PPP1R7: variants seen among roughly 807,000 people sequenced by gnomAD.
PPP1R7 encodes the protein protein phosphatase 1 regulatory subunit 7.
Under a neutral mutation model 45.2 loss-of-function variants are expected in PPP1R7, and 18 were observed. That is an observed-to-expected ratio of 0.40 (90% CI 0.28 to 0.59). PPP1R7 has a LOEUF of 0.59. PPP1R7 is among the 20% of genes least tolerant of loss of function. PPP1R7 has a pLI of 0.46. For synonymous variants in PPP1R7, 181 were observed against 183.4 expected, an observed-to-expected ratio of 0.99 and a Z score of 0.11; for missense variants, 314 against 455.8, an observed-to-expected ratio of 0.69 and a Z score of 2.83.
intron 3 of PPP1R7, 123 bp downstream of exon 3, chr2:241,157,985 G>C (rs1323394472): frequency 6.6e-5 from 62 of 945,534 alleles, no homozygotes; most frequent in Non-Finnish European, 9.8e-6. Flanking sequence ...GGTTGAGTCA[G>C]AGTCCCGTGT....
chr2:241,163,430 T>A lies in PPP1R7; in HGVS notation c.714+29T>A, dbSNP rs944163217. 4.0e-6 allele frequency: 6 copies of A among 1,509,476 alleles called. No individual in the cohort carries two copies. In the African/African-American group the frequency reaches 5.5e-5, roughly 14 times the overall value. 93.5% of individuals were successfully genotyped at this position (1,509,476 alleles called of 1,614,324 possible). A position where few individuals can be genotyped will look rare whatever the true frequency, so the allele number is the denominator to read the frequency against. On this transcript the variant is annotated intron_variant, in intron 7 of 9. Coordinates refer to ENST00000234038, the MANE Select transcript of PPP1R7 (RefSeq NM_002712.3). ...CGGAGCTTCCTGAGCCGCCCTTCCC[T>A]GCGAGCCCTGGCAGGGCCAGCGCTG...
Position 241,182,905 on chromosome 2 carries a change from GGTC to G in PPP1R7, c.*86_*88del. Reference sequence around the variant, plus strand: ...TTTTTAACCCACCTGTTGCTCCTGAGGTCGTCACTATATCAACAGTCACAAACC... The same window carrying G: ...TTTTTAACCCACCTGTTGCTCCTGAGGTCACTATATCAACAGTCACAAACC... On this transcript the variant is annotated 3_prime_UTR_variant, in exon 10 of 10. Coordinates refer to ENST00000234038, the MANE Select transcript of PPP1R7 (RefSeq NM_002712.3). The G allele has an allele frequency of 6.8e-7, 1 of 1,481,118 alleles. No homozygotes were observed. The highest frequency in any genetic ancestry group is 9.1e-7 in the Non-Finnish European group (1 of 1,093,154). The allele number at this position is 1,481,118 out of a possible 1,614,324, so 91.7% of individuals were successfully genotyped here.
At chr2:241,181,705 C>T (rs1159743665) in intron 9 of PPP1R7, among the ~76,000 whole-genome samples, 3 of 152,148 alleles carry the variant, frequency 2.0e-5, no homozygotes, top group African/African-American at 7.2e-5. Flanking sequence ...AGTTCCCTTC[C>T]TAACTTCCCT....
intron 9 of PPP1R7, 167 bp downstream of exon 9, chr2:241,170,034 G>T (rs1187846303): frequency 3.4e-6 from 2 of 589,992 alleles, no homozygotes; most frequent in African/African-American, 1.9e-5. Flanking sequence ...ATTGGGTGTT[G>T]TCTGTGCTCC....
intron 8 of PPP1R7, among the ~76,000 whole-genome samples, chr2:241,167,592 A>G (rs1200711042): frequency 6.6e-6 from 1 of 152,214 alleles, no homozygotes; most frequent in African/African-American, 2.4e-5. Context: ...GTCACCACCA[A>G]GCATCCACCG....
Position 241,160,300 on chromosome 2 carries a change from T to C in PPP1R7, c.435-32T>C, listed in dbSNP as rs538798308. 3.2e-5 allele frequency: 50 copies of C among 1,543,456 alleles called. No individual in the cohort carries two copies. The African/African-American group carries it at 5.8e-4, about 18-fold the overall frequency. ...TTCTATGCAACCTATGCTCGTGAAA[T>C]TTTTTTAAAAAACTGTTTTGGTTGT... is the stretch of plus-strand genomic sequence containing the variant. On this transcript the variant is annotated intron_variant, in intron 5 of 9. Transcript: ENST00000234038.
At position 241,153,023 on chromosome 2, in the gene PPP1R7, C is replaced by T. The variant is rs372688652; in HGVS notation, c.53-453C>T. On this transcript the variant is annotated intron_variant, in intron 1 of 9. Transcript: ENST00000234038. ...GAGTTAGTCTTGATTTCTTTCAGAA[C>T]GTGGGCCTGTGAACTTGGCTGGTTT... Among the ~76,000 whole-genome samples the T allele has an allele frequency of 1.1e-4, 17 of 152,188 alleles. No individual in the cohort carries two copies. The South Asian group carries it at 1.9e-3, about 17-fold the overall frequency.
At chr2:241,151,894 A>C (rs1219272708) in intron 1 of PPP1R7, among the ~76,000 whole-genome samples, 1 of 152,098 alleles carries the variant, frequency 6.6e-6, no homozygotes, top group Non-Finnish European at 1.5e-5. Context: ...CCAGCCCATC[A>C]TCCCCAGTAC....
intron 1 of PPP1R7, among the ~76,000 whole-genome samples, 162 bp downstream of exon 1, chr2:241,150,709 C>A (rs1200161083): frequency 1.8e-4 from 28 of 152,096 alleles, no homozygotes; most frequent in Admixed American, 1.8e-3. Flanking sequence ...GGGGGAGGCG[C>A]TGGACCTCGG....
intron 2 of PPP1R7, among the ~76,000 whole-genome samples, chr2:241,154,413 C>T (rs904662484): frequency 3.3e-5 from 5 of 151,828 alleles, no homozygotes; most frequent in Admixed American, 6.6e-5. Flanking sequence ...TGTGGCCGGG[C>T]GTAATGGCTT....
intron 1 of PPP1R7, among the ~76,000 whole-genome samples, chr2:241,151,867 T>C (rs1488711945): frequency 1.3e-5 from 2 of 152,226 alleles, no homozygotes; most frequent in South Asian, 2.1e-4. Context: ...CTAGGCTAGA[T>C]TGATTGTCCC....
At chr2:241,164,757 A>T (rs2067669440) in intron 7 of PPP1R7, among the ~76,000 whole-genome samples, 1 of 152,102 alleles carries the variant, frequency 6.6e-6, no homozygotes, top group Non-Finnish European at 1.5e-5. Flanking sequence ...ATATAAAAAA[A>T]AGCTCTTAGG....
intron 1 of PPP1R7, among the ~76,000 whole-genome samples, chr2:241,153,024 G>A (rs916195222): frequency 1.3e-5 from 2 of 152,130 alleles, no homozygotes; most frequent in Admixed American, 6.5e-5. Flanking sequence ...CTTTCAGAAC[G>A]TGGGCCTGTG....
chr2:241,164,770 A>G (rs1249268844), intron 7 of PPP1R7, among the ~76,000 whole-genome samples: 2 of 152,188 alleles, frequency 1.3e-5, no homozygotes, highest in African/African-American at 2.4e-5. Context: ...CTCTTAGGCC[A>G]GGCGTGGTGG....
chr2:241,149,865 C>A, upstream of PPP1R7: 1 of 1,454,428 alleles, frequency 6.9e-7, no homozygotes, highest in Non-Finnish European at 9.0e-7. Context: ...AGCTGGCGCC[C>A]CGGAGCCAGC....
chr2:241,168,577 G>A lies in PPP1R7; in HGVS notation c.820-1204G>A, dbSNP rs368148056. 4.5e-4 allele frequency among the ~76,000 whole-genome samples: 68 copies of A among 152,232 alleles called. 1 individual carries two copies. The highest frequency in any genetic ancestry group is 1.6e-3 in the African/African-American group (67 of 41,552). ...TGAACCCGCCCCACTGAGCTCCCTC[G>A]CACACTGTTGAGCCTGATACTCTGT... On this transcript the variant is annotated intron_variant, in intron 8 of 9. Coordinates refer to ENST00000234038, the MANE Select transcript of PPP1R7 (RefSeq NM_002712.3).
At chr2:241,159,652 G>A (rs573739498) in intron 5 of PPP1R7, among the ~76,000 whole-genome samples, 3 of 152,344 alleles carry the variant, frequency 2.0e-5, no homozygotes, top group African/African-American at 7.2e-5. Context: ...GATCGGTAGA[G>A]AGGAAAGTTA....
chr2:241,151,988 C>T (rs978043667), intron 1 of PPP1R7, among the ~76,000 whole-genome samples: 2 of 152,206 alleles, frequency 1.3e-5, no homozygotes, highest in East Asian at 1.9e-4. Context: ...TTTGGCCAAC[C>T]TTCGTTAGCT....
chr2:241,152,125 G>A (rs533259483), intron 1 of PPP1R7, among the ~76,000 whole-genome samples: 1 of 152,310 alleles, frequency 6.6e-6, no homozygotes, highest in African/African-American at 2.4e-5. Context: ...TGACTAATTT[G>A]TTATATATCT....
Sources: gnomAD v4.1 joint callset for allele counts (sites outside exome capture counted in the v4.1 genomes callset) on GRCh38, gnomAD v4.1.1 for gene constraint, MANE v1.5 for transcripts, NCBI Gene and HGNC (gene_info 2026-07-23, HGNC 2026-07-21) for gene names.